CHCHD6: variants seen among roughly 807,000 people sequenced by gnomAD.
The protein encoded by CHCHD6 is MICOS complex subunit MIC25.
Under a neutral mutation model 32.3 loss-of-function variants are expected in CHCHD6, and 28 were observed. That is an observed-to-expected ratio of 0.87 (90% CI 0.64 to 1.19). The LOEUF (loss-of-function observed/expected upper bound fraction) is 1.19, where lower values mean the gene tolerates loss of function less well. CHCHD6 is among the 50% of genes most tolerant of loss of function. The pLI is 0.00. For missense variants in CHCHD6, 333 were observed against 307.0 expected (o/e 1.08, Z -0.63); for synonymous variants, 122 against 117.5 (o/e 1.04, Z -0.25).
intron 4 of CHCHD6, among the ~76,000 whole-genome samples, chr3:126,828,013 C>G (rs574857315): frequency 1.3e-5 from 2 of 152,272 alleles, no homozygotes; most frequent in African/African-American, 2.4e-5. Flanking sequence ...AGTCTCAGGT[C>G]TCGTTTCTTC....
intron 4 of CHCHD6, among the ~76,000 whole-genome samples, chr3:126,839,989 A>G (rs988991561): frequency 3.3e-5 from 5 of 152,156 alleles, no homozygotes; most frequent in Non-Finnish European, 7.3e-5. Context: ...GGTCTTGGCA[A>G]GCACTCATCT....
At chr3:126,826,487 G>A (rs1482786684) in intron 4 of CHCHD6, among the ~76,000 whole-genome samples, 1 of 152,138 alleles carries the variant, frequency 6.6e-6, no homozygotes, top group Non-Finnish European at 1.5e-5. Flanking sequence ...CTATTGGTAA[G>A]TTCCCTTTCC....
At chr3:126,858,564 C>T (rs1941744803) in intron 5 of CHCHD6, among the ~76,000 whole-genome samples, 1 of 152,208 alleles carries the variant, frequency 6.6e-6, no homozygotes, top group African/African-American at 2.4e-5. Context: ...AGGGACCTTA[C>T]AGGCCTTAAA....
chr3:126,922,199 C>T (rs1283750895), intron 6 of CHCHD6, among the ~76,000 whole-genome samples: 4 of 152,194 alleles, frequency 2.6e-5, no homozygotes, highest in African/African-American at 7.2e-5. Flanking sequence ...AACATCATCA[C>T]GTGCCAGCGA....
At chr3:126,918,147 A>T (rs995416243) in intron 6 of CHCHD6, among the ~76,000 whole-genome samples, 2 of 152,244 alleles carry the variant, frequency 1.3e-5, no homozygotes, top group Non-Finnish European at 2.9e-5. Context: ...GTACAGTTAG[A>T]AATTACTTAA....
intron 6 of CHCHD6, among the ~76,000 whole-genome samples, chr3:126,923,351 T>C (rs2078279960): frequency 6.6e-6 from 1 of 152,248 alleles, no homozygotes; most frequent in South Asian, 2.1e-4. Flanking sequence ...CTTTTCTGCT[T>C]ACTGTTTGTC....
intron 6 of CHCHD6, among the ~76,000 whole-genome samples, chr3:126,954,611 C>G (rs570929606): frequency 6.6e-6 from 1 of 152,332 alleles, no homozygotes; most frequent in Admixed American, 6.5e-5. Flanking sequence ...GGGGCTTCCC[C>G]TGAGCCACTC....
At chr3:126,812,394 TAACCC>T (rs1289939650) in intron 4 of CHCHD6, among the ~76,000 whole-genome samples, 1 of 151,248 alleles carries the variant, frequency 6.6e-6, no homozygotes, top group Admixed American at 6.6e-5. Context: ...GCTTCTAGTA[TAACCC>T]AAGATGTTTT....
At chr3:126,827,640 T>A (rs761676514) in intron 4 of CHCHD6, among the ~76,000 whole-genome samples, 1 of 152,224 alleles carries the variant, frequency 6.6e-6, no homozygotes, top group Non-Finnish European at 1.5e-5. Context: ...TCTTCTGAGA[T>A]GCCACTGTCA....
At chr3:126,717,091 G>A (rs910612031) in intron 1 of CHCHD6, among the ~76,000 whole-genome samples, 2 of 152,146 alleles carry the variant, frequency 1.3e-5, no homozygotes, top group South Asian at 2.1e-4. Flanking sequence ...GGGGTCAGGC[G>A]GCTTTCCCTG....
chr3:126,767,024 T>A, intron 4 of CHCHD6: 1 of 877,460 alleles, frequency 1.1e-6, no homozygotes. Flanking sequence ...ACAGGCAGGA[T>A]CTGCCTCAAT....
intron 4 of CHCHD6, among the ~76,000 whole-genome samples, chr3:126,818,491 T>C (rs1218860960): frequency 6.6e-6 from 1 of 152,190 alleles, no homozygotes; most frequent in African/African-American, 2.4e-5. Context: ...TATATTAAAA[T>C]TTATTTTTTA....
intron 4 of CHCHD6, among the ~76,000 whole-genome samples, chr3:126,791,889 G>A (rs1472518181): frequency 6.6e-6 from 1 of 152,230 alleles, no homozygotes; most frequent in Non-Finnish European, 1.5e-5. Context: ...GGGATTATAG[G>A]CATGAGCCAC....
intron 1 of CHCHD6, among the ~76,000 whole-genome samples, chr3:126,723,744 G>A (rs141086047): frequency 2.6e-5 from 4 of 152,096 alleles, no homozygotes; most frequent in Admixed American, 1.3e-4. Context: ...TATTTCCTCC[G>A]GTGTCACAGT....
At chr3:126,767,842 G>A (rs994441761) in intron 4 of CHCHD6, among the ~76,000 whole-genome samples, 2 of 152,162 alleles carry the variant, frequency 1.3e-5, no homozygotes, top group Non-Finnish European at 1.5e-5. Context: ...GTGGGAACAT[G>A]CAGCCTTTGG....
intron 4 of CHCHD6, among the ~76,000 whole-genome samples, chr3:126,836,020 C>T (rs1042176568): frequency 2.0e-5 from 3 of 152,248 alleles, no homozygotes; most frequent in African/African-American, 7.2e-5. Context: ...GATAATCAGT[C>T]TGTCCTCTTG....
chr3:126,756,168 C>T (rs907762055), intron 4 of CHCHD6, among the ~76,000 whole-genome samples: 7 of 152,108 alleles, frequency 4.6e-5, no homozygotes, highest in East Asian at 1.9e-4. Flanking sequence ...CTTCACCAAC[C>T]CCTCTGCCCA....
chr3:126,710,266 A>AT (rs749394806), intron 1 of CHCHD6, among the ~76,000 whole-genome samples: 7 of 152,166 alleles, frequency 4.6e-5, no homozygotes, highest in Non-Finnish European at 7.4e-5. Context: ...TTTAGGGTTT[A>AT]TTTCTGGACT....
chr3:126,742,791 C>T (rs1936336331), intron 4 of CHCHD6, among the ~76,000 whole-genome samples: 1 of 152,194 alleles, frequency 6.6e-6, no homozygotes, highest in South Asian at 2.1e-4. Flanking sequence ...ACTTCTCAGC[C>T]TCTAGAACTA....
Sources: gnomAD v4.1 joint callset for allele counts (sites outside exome capture counted in the v4.1 genomes callset) on GRCh38, gnomAD v4.1.1 for gene constraint, MANE v1.5 for transcripts, NCBI Gene and HGNC (gene_info 2026-07-23, HGNC 2026-07-21) for gene names.